The following ZBTB7C variants were observed in gnomAD, a reference collection of about 807,000 sequenced individuals.
ZBTB7C encodes zinc finger and BTB domain-containing protein 7C.
Under a neutral mutation model 25.7 loss-of-function variants are expected in ZBTB7C, and 8 were observed. That is an observed-to-expected ratio of 0.31 (90% CI 0.18 to 0.56). The LOEUF (loss-of-function observed/expected upper bound fraction) is 0.56. Ranked by LOEUF, ZBTB7C falls within the 20% of genes least tolerant of loss-of-function variation. ZBTB7C has a pLI of 0.91. For missense variants in ZBTB7C, 824 were observed against 855.2 expected, an observed-to-expected ratio of 0.96 and a Z score of 0.46; for synonymous variants, 394 against 369.0, an observed-to-expected ratio of 1.07 and a Z score of -0.78.
At chr18:48,305,998 G>GC (rs1297785072) in intron 2 of ZBTB7C, among the ~76,000 whole-genome samples, 2 of 152,196 alleles carry the variant, frequency 1.3e-5, no homozygotes, top group East Asian at 3.9e-4. Context: ...AACAAACAGA[G>GC]CCTGAGCTCA....
In ZBTB7C at chr18:48,235,593, G is replaced by A. The variant is rs765144283; in HGVS notation, c.-78-49598C>T. 3.9e-5 allele frequency among the ~76,000 whole-genome samples: 6 copies of A among 151,902 alleles called. No homozygotes were observed. The South Asian group carries it at 1.2e-3, about 32-fold the overall frequency. On this transcript the variant is annotated intron_variant, in intron 2 of 4. Transcript: ENST00000590800. ...CCATTGCATCTTAGATCCTCCTTCT[G>A]CGACAAGTTTCCTTCTTTCTTAAAT... is the stretch of plus-strand genomic sequence containing the variant.
intron 1 of ZBTB7C, among the ~76,000 whole-genome samples, chr18:48,387,988 A>T (rs1207227643): frequency 2.0e-5 from 3 of 152,098 alleles, no homozygotes; most frequent in Middle Eastern, 3.2e-3. Context: ...CACCACACCC[A>T]GCTAATTTTT....
At chr18:48,298,367 C>A (rs1481439325) in intron 2 of ZBTB7C, among the ~76,000 whole-genome samples, 2 of 151,870 alleles carry the variant, frequency 1.3e-5, no homozygotes, top group Non-Finnish European at 2.9e-5. Context: ...CCTTTGAGGG[C>A]ACAGGCCTTT....
Position 48,384,219 on chromosome 18 carries a change from CCACCCA to C in ZBTB7C, c.-304+25001_-304+25006del, listed in dbSNP as rs201308427. On this transcript the variant is annotated intron_variant, in intron 1 of 4. Coordinates refer to ENST00000590800, the MANE Select transcript of ZBTB7C (RefSeq NM_001318841.2). ...TTTAGTCCCCATCCCAGGACAAGCCCCACCCACAGCCTCTAACAAGGCAGAAGGCAC... is the reference window on the plus strand; with the variant it reads ...TTTAGTCCCCATCCCAGGACAAGCCCCAGCCTCTAACAAGGCAGAAGGCAC... Among the ~76,000 whole-genome samples the C allele has an allele frequency of 9.8e-3, 1,490 of 152,294 alleles. 10 individuals are homozygous for C. The highest frequency in any genetic ancestry group is 0.024 in the Middle Eastern group (7 of 294).
chr18:48,179,800 C>CTTAT (rs1211756543), intron 3 of ZBTB7C, among the ~76,000 whole-genome samples: 2 of 122,526 alleles, frequency 1.6e-5, no homozygotes, highest in Admixed American at 8.7e-5. Context: ...CCCTCCCTTC[C>CTTAT]TTCCTTATTT....
chr18:48,190,013 C>T (rs577671480), intron 2 of ZBTB7C, among the ~76,000 whole-genome samples: 25 of 152,216 alleles, frequency 1.6e-4, no homozygotes, highest in African/African-American at 3.1e-4. Context: ...TGCCTGCTGT[C>T]GTGGGGAGAA....
chr18:48,388,687 T>C (rs1788774838), intron 1 of ZBTB7C, among the ~76,000 whole-genome samples: 1 of 152,122 alleles, frequency 6.6e-6, no homozygotes, highest in Non-Finnish European at 1.5e-5. Context: ...AGGTCAAAGC[T>C]ACAGTGAAAC....
intron 2 of ZBTB7C, among the ~76,000 whole-genome samples, chr18:48,225,534 C>T (rs1221061656): frequency 6.6e-6 from 1 of 152,156 alleles, no homozygotes; most frequent in Non-Finnish European, 1.5e-5. Flanking sequence ...CATCCATATA[C>T]ACAAGCCCCC....
chr18:48,055,702 C>T (rs545986988), intron 3 of ZBTB7C, among the ~76,000 whole-genome samples: 2 of 152,242 alleles, frequency 1.3e-5, no homozygotes, highest in South Asian at 2.1e-4. Context: ...TAGACTTTCC[C>T]GACCTAAAGG....
rs955131876 is a variant in ZBTB7C at position 48,293,774 on chromosome 18, C to G, written c.-79+44400G>C. Among the ~76,000 whole-genome samples the G allele has an allele frequency of 3.9e-5, 6 of 152,096 alleles. No individual in the cohort carries two copies. The East Asian group carries it at 1.2e-3, about 29-fold the overall frequency. On this transcript the variant is annotated intron_variant, in intron 2 of 4. Transcript: ENST00000590800. Reference sequence around the variant, plus strand: ...CGGTCCAGAACATTAGCACACTTTTCAACCTTTAAGAAAAAAAAATATAAA... The same window carrying G: ...CGGTCCAGAACATTAGCACACTTTTGAACCTTTAAGAAAAAAAAATATAAA...
intron 3 of ZBTB7C, among the ~76,000 whole-genome samples, chr18:48,050,834 G>C (rs1568177676): frequency 6.6e-6 from 1 of 152,028 alleles, no homozygotes; most frequent in Non-Finnish European, 1.5e-5. Flanking sequence ...AAACCCCCTG[G>C]GTTAACAATG....
intron 2 of ZBTB7C, among the ~76,000 whole-genome samples, chr18:48,273,003 C>G (rs80033315): frequency 6.6e-6 from 1 of 151,970 alleles, no homozygotes; most frequent in Non-Finnish European, 1.5e-5. Flanking sequence ...GGGAAAAGCA[C>G]GGAATGGGAA....
intron 2 of ZBTB7C, among the ~76,000 whole-genome samples, chr18:48,254,353 G>T (rs1031453609): frequency 1.3e-5 from 2 of 152,196 alleles, no homozygotes; most frequent in African/African-American, 2.4e-5. Flanking sequence ...TGGCCAAGTG[G>T]AAAGCCCATT....
intron 2 of ZBTB7C, among the ~76,000 whole-genome samples, chr18:48,187,757 C>T (rs2042093395): frequency 7.1e-6 from 1 of 141,664 alleles, no homozygotes; most frequent in African/African-American, 2.6e-5. Context: ...GGAGGCAGAG[C>T]TTGCAGTGAG....
intron 2 of ZBTB7C, among the ~76,000 whole-genome samples, chr18:48,326,187 C>T (rs1463023179): frequency 1.3e-5 from 2 of 151,198 alleles, no homozygotes; most frequent in African/African-American, 4.9e-5. Flanking sequence ...CCTCCACCTC[C>T]TGGGTTCAAG....
intron 3 of ZBTB7C, among the ~76,000 whole-genome samples, chr18:48,091,580 G>T (rs1397306759): frequency 1.3e-5 from 2 of 152,128 alleles, no homozygotes; most frequent in African/African-American, 4.8e-5. Flanking sequence ...TCCAGGGTGG[G>T]TCTCATTTAT....
chr18:48,378,505 A>G (rs1350709640), intron 1 of ZBTB7C, among the ~76,000 whole-genome samples: 1 of 152,202 alleles, frequency 6.6e-6, no homozygotes, highest in East Asian at 1.9e-4. Flanking sequence ...AGATTCCACA[A>G]GAAAAAGGCC....
At chr18:48,347,523 C>G (rs187141649) in intron 1 of ZBTB7C, among the ~76,000 whole-genome samples, 33 of 152,116 alleles carry the variant, frequency 2.2e-4, no homozygotes, top group Middle Eastern at 3.4e-3. Flanking sequence ...CCCACTCCCT[C>G]CTCTCCCCGT....
intron 4 of ZBTB7C, among the ~76,000 whole-genome samples, chr18:48,039,653 C>T (rs2036128480): frequency 1.3e-5 from 2 of 152,218 alleles, no homozygotes; most frequent in Non-Finnish European, 2.9e-5. Flanking sequence ...GCCAGAACAG[C>T]CCTGCTCTTA....
Sources: allele counts gnomAD v4.1 joint callset (sites outside exome capture counted in the v4.1 genomes callset), GRCh38; gene constraint gnomAD v4.1.1; transcripts MANE v1.5; gene names NCBI Gene and HGNC (gene_info 2026-07-23, HGNC 2026-07-21).